Variants in SETX observed in about 807,000 individuals in gnomAD.
SETX encodes the protein helicase senataxin.
Under a neutral mutation model 227.2 loss-of-function variants are expected in SETX, and 90 were observed. The observed-to-expected ratio is 0.40, with a 90% confidence interval of 0.33 to 0.47. SETX has a LOEUF of 0.47. Ranked by LOEUF, SETX falls within the 20% of genes least tolerant of loss-of-function variation. The pLI, the probability that SETX is intolerant of heterozygous loss-of-function variation, is 0.91. For synonymous variants in SETX, 1,210 were observed against 1,113.2 expected, an observed-to-expected ratio of 1.09 and a Z score of -1.73; for missense variants, 3,052 against 3,181.5, an observed-to-expected ratio of 0.96 and a Z score of 0.98.
Position 132,264,293 on chromosome 9 carries a change from G to T in SETX, c.7980C>A (p.Asp2660Glu). Reference protein sequence around the residue: ...THHTRRNSRWDKRTLEQEDSS... With the variant: ...THHTRRNSRWEKRTLEQEDSS... ...TGTCCTCCTGCTCCAGTGTCCTCTT[G>T]TCCCACCTAGAGTTCCTCCTGGTGT... Residue 2660 changes from aspartate (D) to glutamate (E), a missense_variant, in exon 26 of 26, where the codon GAC becomes GAA. By Grantham distance (45) the Asp-to-Glu change is conservative. Coordinates refer to ENST00000224140, the MANE Select transcript of SETX (RefSeq NM_015046.7). 3 of 1,614,124 alleles carry T rather than the reference G, an allele frequency of 1.9e-6. No individual in the cohort carries two copies. The highest frequency in any genetic ancestry group is 2.5e-6 in the Non-Finnish European group (3 of 1,180,028).
chr9:132,335,157 A>T (rs535338370), intron 6 of SETX, among the ~76,000 whole-genome samples: 1 of 151,802 alleles, frequency 6.6e-6, no homozygotes, highest in South Asian at 2.1e-4. Context: ...TTGGGAGGCC[A>T]AGGCGGGCAG....
chr9:132,350,686 C>T (rs1394432637), intron 2 of SETX, among the ~76,000 whole-genome samples: 3 of 152,014 alleles, frequency 2.0e-5, no homozygotes, highest in Admixed American at 1.3e-4. Context: ...TTTACTTATG[C>T]TTTTGAAGAG....
chr9:132,283,767 A>G (rs1843672812), intron 18 of SETX, among the ~76,000 whole-genome samples: 1 of 152,228 alleles, frequency 6.6e-6, no homozygotes, highest in South Asian at 2.1e-4. Flanking sequence ...TGTGAATTAT[A>G]TGAGTAAAAC....
In SETX at chr9:132,329,485, T is replaced by G. The variant is rs34781846; in HGVS notation, c.2113A>C (p.Ile705Leu). 4.6e-4 allele frequency: 743 copies of G among 1,612,548 alleles called. 3 individuals carry two copies. The African/African-American group carries it at 8.8e-3, about 19-fold the overall frequency. ...NIFTERAEDQIKISTRKQKSV... is the reference protein window; with the variant it reads ...NIFTERAEDQLKISTRKQKSV... ...TTCTGCTTCCTTGTACTTATTTTAA[T>G]TTGATCTTCAGCTCTTTCAGTAAAA... is the stretch of plus-strand genomic sequence containing the variant. The change falls in exon 10 of 26, where the codon ATT becomes CTT. Residue 705 changes from isoleucine to leucine, a missense_variant. Physicochemically the swap from Ile to Leu is conservative, Grantham distance 5. Around this residue, in one of 10 missense-constraint regions of SETX, gnomAD observed 1,483 missense variants for 1,312.0 expected, o/e 1.13. Transcript: ENST00000224140.
At chr9:132,280,229 T>G (rs748455156) in intron 20 of SETX, among the ~76,000 whole-genome samples, 2 of 152,244 alleles carry the variant, frequency 1.3e-5, no homozygotes, top group Admixed American at 6.5e-5. Context: ...ACTTTGTAAT[T>G]ATTTTCTCAA....
chr9:132,262,186 T>C lies in SETX; in HGVS notation c.*2053A>G, dbSNP rs186147811. 3 of 152,342 alleles carry C rather than the reference T, an allele frequency of 2.0e-5. No homozygotes were observed. The East Asian group carries it at 5.8e-4, about 29-fold the overall frequency. 9.4% of individuals were successfully genotyped at this position (152,342 alleles called of 1,614,324 possible). On this transcript the variant is annotated 3_prime_UTR_variant, in exon 26 of 26. Transcript: ENST00000224140. The stretch of plus-strand genomic sequence containing the variant: ...GGTGAACACAACGTAAGAACAGGCA[T>C]CAAACTTCACTGGAAATAATATTGT...
At chr9:132,350,590 CAATT>C (rs1037439597) in intron 2 of SETX, among the ~76,000 whole-genome samples, 5 of 152,118 alleles carry the variant, frequency 3.3e-5, no homozygotes, top group Non-Finnish European at 7.3e-5. Flanking sequence ...CTTATACCCA[CAATT>C]AAATAATTAT....
At chr9:132,347,044 C>T (rs982384501) in intron 3 of SETX, among the ~76,000 whole-genome samples, 2 of 151,882 alleles carry the variant, frequency 1.3e-5, no homozygotes, top group Admixed American at 6.6e-5. Context: ...CACCTGAGGT[C>T]GGGAGTTCAG....
Position 132,278,007 on chromosome 9 carries a change from T to C in SETX, c.6842+63A>G, listed in dbSNP as rs560373695. On this transcript the variant is annotated intron_variant, in intron 21 of 25. Transcript: ENST00000224140. ...CAAGACCTAAGACGACAGTAAAATG[T>C]CTATTCTTCATAAGTAGCTAAACTA... 3.5e-5 allele frequency: 52 copies of C among 1,467,032 alleles called. No homozygotes were observed. The South Asian group carries it at 5.9e-4, about 17-fold the overall frequency. 90.9% of individuals were successfully genotyped at this position (1,467,032 alleles called of 1,614,324 possible).
intron 11 of SETX, among the ~76,000 whole-genome samples, chr9:132,309,853 G>A (rs1367702791): frequency 6.6e-6 from 1 of 152,108 alleles, no homozygotes; most frequent in African/African-American, 2.4e-5. Flanking sequence ...GCAAGAGAAT[G>A]TAATTTGCAA....
chr9:132,341,953 C>CT (rs1047210327), intron 5 of SETX, among the ~76,000 whole-genome samples: 2 of 151,992 alleles, frequency 1.3e-5, no homozygotes, highest in African/African-American at 4.8e-5. Context: ...CCTCCTTTTG[C>CT]TTTTTTTTAA....
upstream of SETX, among the ~76,000 whole-genome samples, chr9:132,355,565 T>TCCGC (rs1564173996): frequency 7.9e-5 from 12 of 151,822 alleles, no homozygotes; most frequent in Non-Finnish European, 1.3e-4. Flanking sequence ...CCCTCGCTGG[T>TCCGC]GCGGTGGCTC....
chr9:132,333,406 A>ATAT (rs1417555956), intron 7 of SETX, among the ~76,000 whole-genome samples: 1,839 of 64,578 alleles, frequency 0.028, 95 homozygotes, highest in Non-Finnish European at 0.035. Context: ...AAGAAAAAAA[A>ATAT]AAATATATAT....
rs1466078909 is a variant in SETX, at chr9:132,261,660, C to T, written c.*2579G>A. On this transcript the variant is annotated 3_prime_UTR_variant, in exon 26 of 26. Transcript: ENST00000224140. ...CACAACTTTAAAAAATAGTTCAGTA[C>T]ATTTTTGTTATAAAATTCATTTACA... is the stretch of plus-strand genomic sequence containing the variant. The T allele has an allele frequency of 1.3e-5, 2 of 152,840 alleles. No individual in the cohort carries two copies. Among genetic ancestry groups the T allele is most frequent in the Non-Finnish European group, 2.9e-5 (2 of 68,196 alleles). The allele number at this position is 152,840 out of a possible 1,614,324, so 9.5% of individuals were successfully genotyped here.
At chr9:132,331,185 A>G (rs762210875) in intron 8 of SETX, 46 bp from the exon 9 acceptor site, 23 of 1,607,464 alleles carry the variant, frequency 1.4e-5, no homozygotes, top group Non-Finnish European at 1.8e-5. Flanking sequence ...GAAGGGGGAA[A>G]AAAAGGAAGA....
At position 132,329,616 on chromosome 9, in the gene SETX, T is replaced by C. The variant is rs1165338350; in HGVS notation, c.1982A>G (p.Asp661Gly). ...KVQDSVLIKA[D>G]NTIEGDNNEQ... ...ATTATTGTCACCTTCTATAGTGTTA[T>C]CTGCTTTGATCAATACACTGTCTTG... Residue 661 changes from aspartate (D) to glycine (G), a missense_variant, in exon 10 of 26, where the codon GAT becomes GGT. Around this residue, in one of 10 missense-constraint regions of SETX, gnomAD observed 1,483 missense variants for 1,312.0 expected, o/e 1.13. Coordinates refer to ENST00000224140, the MANE Select transcript of SETX (RefSeq NM_015046.7). The C allele has an allele frequency of 3.7e-6, 6 of 1,613,862 alleles. No individual in the cohort carries two copies. The highest frequency in any genetic ancestry group is 5.1e-6 in the Non-Finnish European group (6 of 1,179,972).
In SETX at chr9:132,311,758, T is replaced by G. The variant is rs752836862; in HGVS notation, c.5373A>C (p.Ala1791=). The G allele has an allele frequency of 1.2e-6, 2 of 1,607,022 alleles. No homozygotes were observed. The highest frequency in any genetic ancestry group is 1.1e-5 in the South Asian group (1 of 90,868). The stretch of plus-strand genomic sequence containing the variant: ...CAAGTTGCGTAAGAAAAAACTTACC[T>G]GCAAACTCCCAGTATTTTATATAAT... ...PADYIKYWEF[A]VYLEECELAK... The change falls in exon 11 of 26, where the codon GCA becomes GCC. Residue 1791 remains alanine, a splice_region_variant and synonymous_variant. Coordinates refer to ENST00000224140, the MANE Select transcript of SETX (RefSeq NM_015046.7).
Position 132,328,027 on chromosome 9 carries a change from T to C in SETX, c.3571A>G (p.Arg1191Gly). The C allele has an allele frequency of 6.2e-7, 1 of 1,614,102 alleles. No homozygotes were observed. The highest frequency in any genetic ancestry group is 8.5e-7 in the Non-Finnish European group (1 of 1,180,008). The change falls in exon 10 of 26, where the codon AGA (arginine) becomes GGA (glycine). Residue 1191 changes from arginine to glycine, a missense_variant. Coordinates refer to ENST00000224140, the MANE Select transcript of SETX (RefSeq NM_015046.7). ...TTAAAATCATTTCCCACAAGATCTC[T>C]CTTATTAGTATCAGACTGGCCCTCA... ...RNEGQSDTNK[R>G]DLVGNDFKSI...
intron 5 of SETX, among the ~76,000 whole-genome samples, chr9:132,337,435 T>TAAAAAAAA (rs139342276): frequency 7.4e-6 from 1 of 135,560 alleles, no homozygotes; most frequent in Non-Finnish European, 1.5e-5. Flanking sequence ...ACAACCAACC[T>TAAAAAAAA]TAAAAAAAAA....
Sources: gnomAD v4.1 joint callset for allele counts (sites outside exome capture counted in the v4.1 genomes callset) on GRCh38, gnomAD v4.1.1 for gene constraint, gnomAD v4.1.1 regional missense constraint, MANE v1.5 for transcripts, NCBI Gene and HGNC (gene_info 2026-07-23, HGNC 2026-07-21) for gene names.